Variants in AQP1 observed in about 807,000 individuals in gnomAD.
The protein encoded by AQP1 is aquaporin 1 (Colton blood group), also known as aquaporin-1.
In AQP1, 11 loss-of-function variants were observed where a neutral mutation model predicts 19.7. The observed-to-expected ratio is 0.56, with a 90% confidence interval of 0.35 to 0.92. The LOEUF (loss-of-function observed/expected upper bound fraction) is 0.92, where lower values mean the gene tolerates loss of function less well. Ranked by LOEUF, AQP1 falls within the 40% of genes least tolerant of loss-of-function variation. AQP1 has a pLI of 0.01. For synonymous variants in AQP1, 159 were observed against 166.7 expected (o/e 0.95, Z 0.36); for missense variants, 320 against 369.7 (o/e 0.87, Z 1.10).
chr7:30,923,551 G>C lies in AQP1; in HGVS notation c.732G>C (p.Val244=). The C allele has an allele frequency of 1.9e-6, 3 of 1,614,166 alleles. No individual in the cohort carries two copies. The South Asian group carries it at 3.3e-5, about 18-fold the overall frequency. The change falls in exon 4 of 4, where the codon GTG becomes GTC. Residue 244 remains valine (V), a synonymous_variant. Transcript: ENST00000311813. The surrounding 1 kb of genome is among the most constrained non-coding windows in gnomAD (Gnocchi z 4.8). ...GTGACCTCACAGACCGCGTGAAGGT[G>C]TGGACCAGCGGCCAGGTGGAGGAGT... ...RSSDLTDRVK[V]WTSGQVEEYD...
At position 30,924,195 on chromosome 7, in the gene AQP1, A is replaced by C. The variant is rs904241462; in HGVS notation, c.*566A>C. On this transcript the variant is annotated 3_prime_UTR_variant, in exon 4 of 4. Transcript: ENST00000311813. ...ACTGCCTGACCTTGGAATCGTCCCTATATCAGGGCCTGAGTGACCTCCTTC... is the reference window on the plus strand; with the variant it reads ...ACTGCCTGACCTTGGAATCGTCCCTCTATCAGGGCCTGAGTGACCTCCTTC... The C allele has an allele frequency of 1.0e-5, 11 of 1,062,694 alleles. No individual in the cohort carries two copies. The African/African-American group carries it at 1.5e-4, about 14-fold the overall frequency. The allele number at this position is 1,062,694 out of a possible 1,614,324, so 65.8% of individuals were successfully genotyped here.
At chr7:30,914,026 C>A (rs908363435) in intron 1 of AQP1, among the ~76,000 whole-genome samples, 1 of 152,152 alleles carries the variant, frequency 6.6e-6, no homozygotes, top group African/African-American at 2.4e-5. Flanking sequence ...TCTCACAGGG[C>A]GGAGCCTCTG....
chr7:30,912,047 C>G lies in AQP1; in HGVS notation c.138C>G (p.Val46=). 6.2e-7 allele frequency: 1 copy of G among 1,613,488 alleles called. No homozygotes were observed. The highest frequency in any genetic ancestry group is 8.5e-7 in the Non-Finnish European group (1 of 1,180,036). The part of the protein sequence containing the change: ...KYPVGNNQTA[V]QDNVKVSLAF... ...CGGTGGGGAACAACCAGACGGCGGT[C>G]CAGGACAACGTGAAGGTGTCGCTGG... Residue 46 remains valine (V), a synonymous_variant, in exon 1 of 4, where the codon GTC becomes GTG. Coordinates refer to ENST00000311813, the MANE Select transcript of AQP1 (RefSeq NM_198098.4). This position sits in a 1 kb window ranked among gnomAD's most constrained non-coding sequence, Gnocchi z 4.3.
intron 1 of AQP1, chr7:30,921,658 C>T (rs1338430104): frequency 5.2e-6 from 8 of 1,551,002 alleles, no homozygotes; most frequent in Non-Finnish European, 7.0e-6. Flanking sequence ...GGCCTTCCCA[C>T]CTTTTTGCAT....
At chr7:30,916,476 A>G (rs1047049134) in intron 1 of AQP1, among the ~76,000 whole-genome samples, 1 of 152,246 alleles carries the variant, frequency 6.6e-6, no homozygotes, top group African/African-American at 2.4e-5. Context: ...GAAGGCAGGA[A>G]AATGCTGTCC....
chr7:30,921,647 G>C lies in AQP1; in HGVS notation c.385-419G>C, dbSNP rs549337021. 63 of 1,550,892 alleles carry C rather than the reference G, an allele frequency of 4.1e-5. 1 individual carries two copies. In the South Asian group the frequency reaches 7.0e-4, roughly 17 times the overall value. On this transcript the variant is annotated intron_variant, in intron 1 of 3. Coordinates refer to ENST00000311813, the MANE Select transcript of AQP1 (RefSeq NM_198098.4). ...TGGGTATGAAGCCGTGTCCCCTGCTGGGCCTTCCCACCTTTTTGCATCTCT... is the reference window on the plus strand; with the variant it reads ...TGGGTATGAAGCCGTGTCCCCTGCTCGGCCTTCCCACCTTTTTGCATCTCT...
chr7:30,915,110 G>A (rs1362036780), intron 1 of AQP1, among the ~76,000 whole-genome samples: 2 of 152,200 alleles, frequency 1.3e-5, no homozygotes, highest in African/African-American at 2.4e-5. Context: ...GTGTGGCTGG[G>A]CTCTGAGAAG....
In AQP1 at chr7:30,923,392, G is replaced by A. The variant is rs189379708; in HGVS notation, c.631-58G>A. On this transcript the variant is annotated intron_variant, in intron 3 of 3. Transcript: ENST00000311813. This position sits in a 1 kb window ranked among gnomAD's most constrained non-coding sequence, Gnocchi z 4.8. ...GTGGTGGGCTGTGGGGTAACCTAGG[G>A]AACGCTTCCCAGGGGCTTTTGAGTG... is the stretch of plus-strand genomic sequence containing the variant. The A allele has an allele frequency of 1.9e-3, 3,044 of 1,611,660 alleles. 9 individuals carry two copies. The highest frequency in any genetic ancestry group is 6.1e-3 in the Middle Eastern group (37 of 6,052).
At chr7:30,922,825 G>A (rs1241370829) in intron 3 of AQP1, among the ~76,000 whole-genome samples, 181 bp downstream of exon 3, 1 of 152,168 alleles carries the variant, frequency 6.6e-6, no homozygotes, top group Non-Finnish European at 1.5e-5. Context: ...GCACTTTCAG[G>A]CCTAGTCTCT....
chr7:30,912,222 G>A lies in AQP1; in HGVS notation c.313G>A (p.Ala105Thr). The A allele has an allele frequency of 1.2e-6, 2 of 1,609,850 alleles. No homozygotes were observed. Among genetic ancestry groups the A allele is most frequent in the South Asian group, 1.1e-5 (1 of 91,080 alleles). ...GTACATCATCGCCCAGTGCGTGGGGGCCATCGTCGCCACCGCCATCCTCTC... is the reference window on the plus strand; with the variant it reads ...GTACATCATCGCCCAGTGCGTGGGGACCATCGTCGCCACCGCCATCCTCTC... The part of the protein sequence containing the change: ...LMYIIAQCVG[A>T]IVATAILSGI... The change falls in exon 1 of 4, where the codon GCC (alanine) becomes ACC (threonine). Residue 105 changes from alanine (A) to threonine (T), a missense_variant. By Grantham distance (58) the Ala-to-Thr change is moderately conservative. Coordinates refer to ENST00000311813, the MANE Select transcript of AQP1 (RefSeq NM_198098.4). The surrounding 1 kb of genome is among the most constrained non-coding windows in gnomAD (Gnocchi z 4.3).
intron 1 of AQP1, among the ~76,000 whole-genome samples, chr7:30,919,180 A>G (rs1028631287): frequency 6.6e-6 from 1 of 152,214 alleles, no homozygotes; most frequent in Non-Finnish European, 1.5e-5. Context: ...GCGTGGGCAG[A>G]GAAATGGCAG....
At position 30,922,648 on chromosome 7, in the gene AQP1, G is replaced by T; in HGVS notation, c.630+4G>T. The stretch of plus-strand genomic sequence containing the variant: ...ACACAACTTCAGCAACCACTGGGTA[G>T]GAGACCCACGGGGGGTGGGGTGGGA... On this transcript the variant is annotated splice_donor_region_variant and intron_variant, in intron 3 of 3. Coordinates refer to ENST00000311813, the MANE Select transcript of AQP1 (RefSeq NM_198098.4). 1 of 1,613,552 alleles carries T rather than the reference G, an allele frequency of 6.2e-7. No individual in the cohort carries two copies. Among genetic ancestry groups the T allele is most frequent in the South Asian group, 1.1e-5 (1 of 91,064 alleles).
intron 3 of AQP1, among the ~76,000 whole-genome samples, 172 bp downstream of exon 3, chr7:30,922,816 C>T (rs948499032): frequency 2.0e-5 from 3 of 152,214 alleles, no homozygotes; most frequent in Non-Finnish European, 4.4e-5. Flanking sequence ...ACACTGCCAG[C>T]ACTTTCAGGC....
chr7:30,922,755 G>A (rs1562580716), intron 3 of AQP1, 111 bp downstream of exon 3: 6 of 1,158,222 alleles, frequency 5.2e-6, no homozygotes, highest in Non-Finnish European at 7.8e-6. Flanking sequence ...ACAGCCAGAG[G>A]ACAGGAAATC....
rs1342448784 is a variant in AQP1 at position 30,912,259 on chromosome 7, C to T, written c.350C>T (p.Ser117Phe). ...ACCGCCATCCTCTCAGGCATCACCTCCTCCCTGACTGGGAACTCGCTTGGC... is the reference window on the plus strand; with the variant it reads ...ACCGCCATCCTCTCAGGCATCACCTTCTCCCTGACTGGGAACTCGCTTGGC... ...VATAILSGIT[S>F]SLTGNSLGRN... is the part of the protein sequence containing the mutation. Residue 117 changes from serine to phenylalanine, a missense_variant, in exon 1 of 4, where the codon TCC becomes TTC. Transcript: ENST00000311813. The surrounding 1 kb of genome is among the most constrained non-coding windows in gnomAD (Gnocchi z 4.3). 1.2e-6 allele frequency: 2 copies of T among 1,605,876 alleles called. No individual in the cohort carries two copies. The highest frequency in any genetic ancestry group is 1.1e-5 in the South Asian group (1 of 91,078).
Position 30,923,386 on chromosome 7 carries a change from C to G in AQP1, c.631-64C>G, listed in dbSNP as rs966843251. 1.1e-5 allele frequency: 17 copies of G among 1,610,456 alleles called. No homozygotes were observed. Among genetic ancestry groups the G allele is most frequent in the Non-Finnish European group, 1.4e-5 (17 of 1,178,794 alleles). On this transcript the variant is annotated intron_variant, in intron 3 of 3. Transcript: ENST00000311813. The surrounding 1 kb of genome is among the most constrained non-coding windows in gnomAD (Gnocchi z 4.8). ...AACGGGGTGGTGGGCTGTGGGGTAA[C>G]CTAGGGAACGCTTCCCAGGGGCTTT...
chr7:30,913,846 C>T (rs930639130), intron 1 of AQP1, among the ~76,000 whole-genome samples: 9 of 49,682 alleles, frequency 1.8e-4, no homozygotes, highest in African/African-American at 3.1e-4. Context: ...CAAGCTCTGC[C>T]CCCCCAGGCC....
Position 30,912,052 on chromosome 7 carries a change from A to G in AQP1, c.143A>G (p.Asp48Gly), listed in dbSNP as rs1314294921. The G allele has an allele frequency of 3.1e-6, 5 of 1,613,502 alleles. No homozygotes were observed. Among genetic ancestry groups the G allele is most frequent in the Non-Finnish European group, 4.2e-6 (5 of 1,180,046 alleles). The change falls in exon 1 of 4, where the codon GAC (aspartate) becomes GGC (glycine). Residue 48 changes from aspartate to glycine, a missense_variant. Transcript: ENST00000311813. The surrounding 1 kb of genome is among the most constrained non-coding windows in gnomAD (Gnocchi z 4.3). Reference protein sequence around the residue: ...PVGNNQTAVQDNVKVSLAFGL... With the variant: ...PVGNNQTAVQGNVKVSLAFGL... ...GGGAACAACCAGACGGCGGTCCAGG[A>G]CAACGTGAAGGTGTCGCTGGCCTTC...
chr7:30,922,442 C>T (rs1791543877), intron 2 of AQP1, 122 bp from the exon 3 acceptor site: 1 of 1,302,022 alleles, frequency 7.7e-7, no homozygotes, highest in African/African-American at 1.4e-5. Flanking sequence ...TCCTCTTTCC[C>T]TGGGTCTCAT....
Sources: allele counts gnomAD v4.1 joint callset (sites outside exome capture counted in the v4.1 genomes callset), GRCh38; gene constraint gnomAD v4.1.1; non-coding constraint Gnocchi (gnomAD v3.1); transcripts MANE v1.5; gene names NCBI Gene and HGNC (gene_info 2026-07-23, HGNC 2026-07-21).